The following NPHP4 variants were observed in gnomAD, a reference collection of about 807,000 sequenced individuals.
NPHP4 encodes nephrocystin-4.
NPHP4 carries 151 observed loss-of-function variants against 155.8 expected under a neutral mutation model. The ratio of observed to expected loss-of-function variants is 0.97; its 90% CI spans 0.85 to 1.11. The LOEUF is 1.11. NPHP4 is among the 50% of genes least tolerant of loss of function. The probability of loss-of-function intolerance (pLI) is 0.00; values close to 1 mark genes in which losing one functional copy is unlikely to be tolerated. For missense variants in NPHP4, 1,956 were observed against 1,925.7 expected, an observed-to-expected ratio of 1.02 and a Z score of -0.29; for synonymous variants, 845 against 816.8, an observed-to-expected ratio of 1.03 and a Z score of -0.59.
chr1:5,983,378 T>C (rs2102426196), intron 2 of NPHP4, among the ~76,000 whole-genome samples: 1 of 152,352 alleles, frequency 6.6e-6, no homozygotes, highest in South Asian at 2.1e-4. Flanking sequence ...TAAGAGGAGC[T>C]CACTGTGCCT....
chr1:5,943,949 A>G (rs1468490871), intron 9 of NPHP4, among the ~76,000 whole-genome samples: 1 of 152,182 alleles, frequency 6.6e-6, no homozygotes, highest in Non-Finnish European at 1.5e-5. Context: ...GACATGAGCG[A>G]TAAATTGGGG....
intron 1 of NPHP4, among the ~76,000 whole-genome samples, chr1:5,990,220 G>A (rs1656031466): frequency 2.0e-5 from 3 of 152,348 alleles, no homozygotes; most frequent in South Asian, 4.1e-4. Flanking sequence ...ACACAGGGCA[G>A]GTGACAGAAG....
chr1:5,984,496 C>T (rs771061522), intron 2 of NPHP4, among the ~76,000 whole-genome samples: 2 of 152,052 alleles, frequency 1.3e-5, no homozygotes, highest in Non-Finnish European at 2.9e-5. Flanking sequence ...GATCACACCA[C>T]TGCACTACAG....
chr1:5,980,521 T>A (rs1443986886), intron 2 of NPHP4, among the ~76,000 whole-genome samples: 2 of 152,106 alleles, frequency 1.3e-5, no homozygotes, highest in Non-Finnish European at 2.9e-5. Flanking sequence ...CACAATCTGG[T>A]TCGGGATTTA....
chr1:5,961,748 GGACA>G, intron 6 of NPHP4, 42 bp downstream of exon 6: 1 of 1,579,802 alleles, frequency 6.3e-7, no homozygotes, highest in Non-Finnish European at 8.6e-7. Flanking sequence ...CTGTGAACTA[GGACA>G]GACTCACCTC....
intron 6 of NPHP4, among the ~76,000 whole-genome samples, chr1:5,958,204 C>G (rs183838044): frequency 6.6e-6 from 1 of 152,216 alleles, no homozygotes; most frequent in Non-Finnish European, 1.5e-5. Flanking sequence ...ATAAAAGGGG[C>G]AAACAACTGA....
chr1:5,866,221 C>T (rs916160365), intron 26 of NPHP4, 152 bp downstream of exon 26: 7 of 696,602 alleles, frequency 1.0e-5, no homozygotes, highest in East Asian at 2.7e-5. Context: ...GCCCTGAACT[C>T]GCAGCAGAAT....
rs200928069 is a variant in NPHP4 at position 5,867,799 on chromosome 1, T to A, written c.3413A>T (p.His1138Leu). Reference protein sequence around the residue: ...HVVDQVFRFYHPELSFLKKAI... With the variant: ...HVVDQVFRFYLPELSFLKKAI... ...CTTCTTCAGGAAGGAGAGCTCCGGGTGATAGAAGCGGAAGACCTGGTCCAC... is the reference window on the plus strand; with the variant it reads ...CTTCTTCAGGAAGGAGAGCTCCGGGAGATAGAAGCGGAAGACCTGGTCCAC... The change falls in exon 24 of 30, where the codon CAC (histidine) becomes CTC (leucine). Residue 1138 changes from histidine to leucine, a missense_variant. Coordinates refer to ENST00000378156, the MANE Select transcript of NPHP4 (RefSeq NM_015102.5). This position sits in a 1 kb window ranked among gnomAD's most constrained non-coding sequence, Gnocchi z 4.1. 5.0e-6 allele frequency: 8 copies of A among 1,612,508 alleles called. No homozygotes were observed. Among genetic ancestry groups the A allele is most frequent in the Non-Finnish European group, 5.9e-6 (7 of 1,179,824 alleles).
In NPHP4 at chr1:5,978,415, T is replaced by C. The variant is rs1221759926; in HGVS notation, c.136-2A>G. ...CTCTGACAGTACCTCCAGCACGCCCTAGGAGACAACGGGGAATTGACCCTC... is the reference window on the plus strand; with the variant it reads ...CTCTGACAGTACCTCCAGCACGCCCCAGGAGACAACGGGGAATTGACCCTC... On this transcript the variant is annotated splice_acceptor_variant, in intron 2 of 29. Transcript: ENST00000378156. LOFTEE classifies it high-confidence loss of function. 3.7e-6 allele frequency: 6 copies of C among 1,600,086 alleles called. No homozygotes were observed. Among genetic ancestry groups the C allele is most frequent in the South Asian group, 1.1e-5 (1 of 88,912 alleles).
chr1:5,918,807 C>T (rs886224074), intron 11 of NPHP4, among the ~76,000 whole-genome samples: 2 of 152,160 alleles, frequency 1.3e-5, no homozygotes, highest in Non-Finnish European at 2.9e-5. Context: ...AAGTGGAAAA[C>T]ATAAATAGAC....
At chr1:5,869,676 T>C (rs1641800665) in intron 23 of NPHP4, among the ~76,000 whole-genome samples, 1 of 152,238 alleles carries the variant, frequency 6.6e-6, no homozygotes, top group African/African-American at 2.4e-5. Flanking sequence ...AGATAGTGTC[T>C]AGCCCTGGTT....
intron 18 of NPHP4, chr1:5,880,840 G>GCACAC (rs1643208660): frequency 6.5e-6 from 1 of 154,262 alleles, no homozygotes; most frequent in Non-Finnish European, 1.4e-5. Flanking sequence ...CTTGCCCACG[G>GCACAC]CACACTCTCC....
chr1:5,945,642 C>T (rs1647050237), intron 9 of NPHP4, among the ~76,000 whole-genome samples: 1 of 152,222 alleles, frequency 6.6e-6, no homozygotes, highest in Non-Finnish European at 1.5e-5. Context: ...GTCCTCAGCA[C>T]CTCATGCTCC....
At chr1:5,955,557 A>G (rs1296049178) in intron 6 of NPHP4, among the ~76,000 whole-genome samples, 7 of 152,402 alleles carry the variant, frequency 4.6e-5, no homozygotes, top group East Asian at 1.9e-4. Context: ...CGCAACCACG[A>G]TCAAAGAATG....
intron 11 of NPHP4, among the ~76,000 whole-genome samples, chr1:5,913,124 C>G (rs1178634002): frequency 6.8e-6 from 1 of 147,896 alleles, no homozygotes; most frequent in African/African-American, 2.5e-5. Flanking sequence ...GCACTCCAAC[C>G]TGGGCAAAAA....
intron 18 of NPHP4, chr1:5,886,989 G>C: frequency 2.8e-6 from 1 of 358,054 alleles, no homozygotes; most frequent in Non-Finnish European, 5.1e-6. Context: ...CCCAGTCACT[G>C]TATTTGAGGA....
intron 9 of NPHP4, among the ~76,000 whole-genome samples, chr1:5,943,024 G>A (rs543550703): frequency 3.4e-4 from 52 of 152,270 alleles, no homozygotes; most frequent in African/African-American, 1.2e-3. Context: ...AACATTTCTG[G>A]AGCCCACACT....
rs553411944 is a variant in NPHP4, at chr1:5,893,593, C to T, written c.2144-2565G>A. Reference sequence around the variant, plus strand: ...AGGTGGACAGGATGGAACATGAAGGCGGACTAGGAGCGTGACCACTGAAGC... The same window carrying T: ...AGGTGGACAGGATGGAACATGAAGGTGGACTAGGAGCGTGACCACTGAAGC... On this transcript the variant is annotated intron_variant, in intron 16 of 29. Transcript: ENST00000378156. 6.6e-5 allele frequency among the ~76,000 whole-genome samples: 10 copies of T among 152,284 alleles called. No individual in the cohort carries two copies. In the South Asian group the frequency reaches 1.0e-3, roughly 16 times the overall value.
At chr1:5,919,660 C>T (rs1246848399) in intron 11 of NPHP4, among the ~76,000 whole-genome samples, 1 of 152,148 alleles carries the variant, frequency 6.6e-6, no homozygotes. Context: ...GCATAGCCAA[C>T]ACTGAGCTTT....
Sources: gnomAD v4.1 joint callset for allele counts (sites outside exome capture counted in the v4.1 genomes callset) on GRCh38, gnomAD v4.1.1 for gene constraint, Gnocchi (gnomAD v3.1) non-coding constraint, MANE v1.5 for transcripts, NCBI Gene and HGNC (gene_info 2026-07-23, HGNC 2026-07-21) for gene names.